SEC24D: variants seen among roughly 807,000 people sequenced by gnomAD.
SEC24D encodes protein transport protein Sec24D.
SEC24D carries 69 observed loss-of-function variants against 116.9 expected under a neutral mutation model. That is an observed-to-expected ratio of 0.59 (90% CI 0.49 to 0.72). The LOEUF (loss-of-function observed/expected upper bound fraction) is 0.72, where lower values mean the gene tolerates loss of function less well. SEC24D is among the 30% of genes least tolerant of loss of function. The pLI is 0.00. For missense variants in SEC24D, 1,131 were observed against 1,264.1 expected, an observed-to-expected ratio of 0.89 and a Z score of 1.60; for synonymous variants, 405 against 442.8, an observed-to-expected ratio of 0.91 and a Z score of 1.07.
At chr4:118,730,865 T>C (rs960737) in intron 21 of SEC24D, 7,084 of 164,546 alleles carry the variant, frequency 0.043, 250 homozygotes, top group Non-Finnish European at 0.066. Flanking sequence ...CTTCTGAGTA[T>C]GCAGTTCAGC....
At chr4:118,790,831 A>G (rs541030509) in intron 8 of SEC24D, among the ~76,000 whole-genome samples, 1 of 150,498 alleles carries the variant, frequency 6.6e-6, no homozygotes, top group Admixed American at 6.7e-5. Flanking sequence ...ACTTTGGTAG[A>G]TGTCAAAGCA....
intron 8 of SEC24D, among the ~76,000 whole-genome samples, chr4:118,768,679 G>A (rs1007089519): frequency 2.0e-5 from 3 of 152,220 alleles, no homozygotes; most frequent in East Asian, 1.9e-4. Context: ...ACAGGCGTAA[G>A]CCACTGTGCC....
chr4:118,769,644 T>C (rs1253138948), intron 8 of SEC24D: 1 of 151,944 alleles, frequency 6.6e-6, no homozygotes, highest in African/African-American at 2.4e-5. Context: ...ATTTGGGAGG[T>C]CTCAGAGCAG....
intron 15 of SEC24D, 30 bp from the exon 16 acceptor site, chr4:118,741,067 C>A: frequency 8.6e-7 from 1 of 1,158,578 alleles, no homozygotes; most frequent in Non-Finnish European, 1.2e-6. Context: ...TCAATGTCCA[C>A]CAGATGGCAG....
intron 15 of SEC24D, 28 bp downstream of exon 15, chr4:118,743,960 C>T (rs1196506510): frequency 1.3e-6 from 2 of 1,576,142 alleles, no homozygotes; most frequent in Admixed American, 3.6e-5. Flanking sequence ...GAGTAGAAGA[C>T]CAAGGTGAAC....
chr4:118,732,680 A>G, intron 20 of SEC24D, 53 bp downstream of exon 20: 1 of 1,542,532 alleles, frequency 6.5e-7, no homozygotes, highest in Non-Finnish European at 8.9e-7. Flanking sequence ...AAAGCACAAA[A>G]TATGATTCCC....
chr4:118,825,124 A>G (rs942752632), intron 2 of SEC24D, among the ~76,000 whole-genome samples: 3 of 152,228 alleles, frequency 2.0e-5, no homozygotes, highest in African/African-American at 4.8e-5. Flanking sequence ...AAAAGCAGGA[A>G]GGGTCATGGT....
chr4:118,789,115 T>C (rs770355159), intron 8 of SEC24D, among the ~76,000 whole-genome samples: 1 of 152,256 alleles, frequency 6.6e-6, no homozygotes, highest in African/African-American at 2.4e-5. Flanking sequence ...TACTGTTTTA[T>C]TGAAATTTGG....
At chr4:118,731,735 A>G (rs533984126) in intron 20 of SEC24D, among the ~76,000 whole-genome samples, 1 of 152,302 alleles carries the variant, frequency 6.6e-6, no homozygotes, top group African/African-American at 2.4e-5. Flanking sequence ...TATACAGAAT[A>G]TAGATGGTGT....
chr4:118,831,916 CA>C (rs547017568), intron 2 of SEC24D, among the ~76,000 whole-genome samples: 19 of 151,880 alleles, frequency 1.3e-4, no homozygotes, highest in Non-Finnish European at 1.9e-4. Context: ...GAAAGCAACC[CA>C]AAAAAATGGG....
At chr4:118,813,130 T>C (rs565815144) in intron 6 of SEC24D, among the ~76,000 whole-genome samples, 2 of 152,228 alleles carry the variant, frequency 1.3e-5, no homozygotes, top group African/African-American at 2.4e-5. Flanking sequence ...TGGAATCACA[T>C]GTATAAGAAA....
At chr4:118,775,214 T>G (rs540977610) in intron 8 of SEC24D, among the ~76,000 whole-genome samples, 2 of 152,242 alleles carry the variant, frequency 1.3e-5, no homozygotes, top group African/African-American at 4.8e-5. Context: ...GCCTGTTTAC[T>G]GTAGTATCTC....
Position 118,723,197 on chromosome 4 carries a change from TTA to T in SEC24D, c.*316_*317del. The T allele has an allele frequency of 5.5e-6, 1 of 182,894 alleles. No individual in the cohort carries two copies. Among genetic ancestry groups the T allele is most frequent in the Non-Finnish European group, 1.1e-5 (1 of 88,436 alleles). 11.3% of individuals were successfully genotyped at this position (182,894 alleles called of 1,614,324 possible). On this transcript the variant is annotated 3_prime_UTR_variant, in exon 23 of 23. Coordinates refer to ENST00000280551, the MANE Select transcript of SEC24D (RefSeq NM_014822.4). ...AAATCTATACAGTTTGAAAAATAAT[TTA>T]TATGTCTAGCATAAAGAAAATTGAG...
At chr4:118,813,992 C>T (rs987418107) in intron 6 of SEC24D, among the ~76,000 whole-genome samples, 5 of 152,192 alleles carry the variant, frequency 3.3e-5, no homozygotes, top group African/African-American at 1.2e-4. Flanking sequence ...TAGTGCTAAG[C>T]TACTGTTTTG....
chr4:118,733,854 T>C (rs1725825187), intron 19 of SEC24D, among the ~76,000 whole-genome samples: 1 of 152,052 alleles, frequency 6.6e-6, no homozygotes, highest in South Asian at 2.1e-4. Context: ...CTTCATAATC[T>C]ACCTGTACCT....
At position 118,744,339 on chromosome 4, in the gene SEC24D, G is replaced by A. The variant is rs375994598; in HGVS notation, c.1825-181C>T. Among the ~76,000 whole-genome samples, 73 of 152,288 alleles carry A rather than the reference G, an allele frequency of 4.8e-4. 1 individual carries two copies. The highest frequency in any genetic ancestry group is 1.6e-3 in the African/African-American group (68 of 41,548). ...ATCATCAGTGCAGTGGCCACCTGCT[G>A]AGCACCCAGTCTGTGCCAGGTCCGT... On this transcript the variant is annotated intron_variant, in intron 14 of 22. Transcript: ENST00000280551.
chr4:118,828,628 A>G (rs1327841356), intron 2 of SEC24D, among the ~76,000 whole-genome samples: 2 of 152,164 alleles, frequency 1.3e-5, no homozygotes, highest in Non-Finnish European at 2.9e-5. Flanking sequence ...CCCTCCCCCA[A>G]CGAAGAATTA....
intron 6 of SEC24D, among the ~76,000 whole-genome samples, chr4:118,810,438 T>C (rs964085634): frequency 6.6e-6 from 1 of 152,172 alleles, no homozygotes; most frequent in Non-Finnish European, 1.5e-5. Context: ...GAATCAGAGA[T>C]GATCCCCAGG....
At chr4:118,728,984 ATAT>A (rs1725546207) in intron 21 of SEC24D, 1 of 194,330 alleles carries the variant, frequency 5.1e-6, no homozygotes, top group East Asian at 1.3e-4. Flanking sequence ...ACAGACAAAA[ATAT>A]TATTTGTAAA....
Sources: gnomAD v4.1 joint callset for allele counts (sites outside exome capture counted in the v4.1 genomes callset) on GRCh38, gnomAD v4.1.1 for gene constraint, MANE v1.5 for transcripts, NCBI Gene and HGNC (gene_info 2026-07-23, HGNC 2026-07-21) for gene names.